Variants in AMOTL1 observed in about 807,000 individuals in gnomAD.
AMOTL1 encodes the protein angiomotin-like protein 1.
A neutral mutation model predicts 102.9 loss-of-function variants in AMOTL1; 45 were observed. The ratio of observed to expected loss-of-function variants is 0.44; its 90% CI spans 0.34 to 0.56. The LOEUF is 0.56. Among genes scored for constraint, AMOTL1 ranks in the 20% least tolerant of loss-of-function variants. AMOTL1 has a pLI of 0.01. For missense variants in AMOTL1, 1,114 were observed against 1,225.6 expected (o/e 0.91, Z 1.36); for synonymous variants, 481 against 484.7 (o/e 0.99, Z 0.10).
At chr11:94,816,943 C>T (rs1053138285) in intron 3 of AMOTL1, among the ~76,000 whole-genome samples, 1 of 152,096 alleles carries the variant, frequency 6.6e-6, no homozygotes, top group Non-Finnish European at 1.5e-5. Flanking sequence ...ATAAAGTAAC[C>T]ATTAATACCA....
intron 6 of AMOTL1, among the ~76,000 whole-genome samples, chr11:94,844,975 TC>T (rs556645697): frequency 6.6e-6 from 1 of 152,184 alleles, no homozygotes; most frequent in Non-Finnish European, 1.5e-5. Context: ...AGAAATTAAT[TC>T]CTATGTAGGA....
At chr11:94,859,457 G>T (rs118120437) in intron 8 of AMOTL1, 68 bp from the exon 9 acceptor site, 35 of 1,459,672 alleles carry the variant, frequency 2.4e-5, no homozygotes, top group Non-Finnish European at 3.0e-5. Flanking sequence ...CATGTGTTCT[G>T]TATGGGCAGT....
In AMOTL1 at chr11:94,772,576, A is replaced by G. The variant is rs1456988138; in HGVS notation, c.49+4016A>G. Among the ~76,000 whole-genome samples, 4 of 152,368 alleles carry G rather than the reference A, an allele frequency of 2.6e-5. No individual in the cohort carries two copies. In the East Asian group the frequency reaches 7.7e-4, roughly 29 times the overall value. On this transcript the variant is annotated intron_variant, in intron 1 of 12. Transcript: ENST00000433060. The stretch of plus-strand genomic sequence containing the variant: ...AGTTTGTTTCTTTTCATTGCTGAGT[A>G]GTATTCCATAATATGGATGTACTAT...
intron 3 of AMOTL1, among the ~76,000 whole-genome samples, chr11:94,760,561 T>C (rs908109034): frequency 6.6e-6 from 1 of 152,220 alleles, no homozygotes; most frequent in African/African-American, 2.4e-5. Flanking sequence ...GCCTCCTTTA[T>C]GTGGCCAAAC....
chr11:94,729,088 G>A (rs1451256606), intron 2 of AMOTL1: 2 of 1,268,494 alleles, frequency 1.6e-6, no homozygotes, highest in Non-Finnish European at 2.1e-6. Context: ...TGATAGCATG[G>A]TACTCTTCAG....
intron 3 of AMOTL1, among the ~76,000 whole-genome samples, chr11:94,759,584 A>AT (rs1257186456): frequency 6.6e-6 from 1 of 151,642 alleles, no homozygotes; most frequent in East Asian, 1.9e-4. Flanking sequence ...AAAAAAAAAA[A>AT]AAAAGGGCAA....
At chr11:94,803,368 C>T (rs944528723) in intron 3 of AMOTL1, among the ~76,000 whole-genome samples, 1 of 152,162 alleles carries the variant, frequency 6.6e-6, no homozygotes, top group Admixed American at 6.5e-5. Context: ...AGGCCTTGAC[C>T]TCGTTGACTT....
intron 4 of AMOTL1, among the ~76,000 whole-genome samples, chr11:94,826,943 G>C (rs1039780985): frequency 1.5e-4 from 23 of 152,110 alleles, no homozygotes; most frequent in Admixed American, 1.5e-3. Flanking sequence ...ATTGTTTTAG[G>C]ATTTGAGATA....
chr11:94,770,144 G>A (rs1011338440), intron 1 of AMOTL1, among the ~76,000 whole-genome samples: 11 of 152,158 alleles, frequency 7.2e-5, no homozygotes, highest in Non-Finnish European at 8.8e-5. Context: ...CTGGGCCCGG[G>A]CAGCTGTGGA....
At chr11:94,723,069 G>A (rs952399135) in intron 1 of AMOTL1, among the ~76,000 whole-genome samples, 2 of 152,128 alleles carry the variant, frequency 1.3e-5, no homozygotes, top group Non-Finnish European at 2.9e-5. Flanking sequence ...TGCTTTATGT[G>A]AGGAGTTTGC....
chr11:94,780,694 G>A (rs1951097299), intron 1 of AMOTL1, among the ~76,000 whole-genome samples: 1 of 152,140 alleles, frequency 6.6e-6, no homozygotes, highest in African/African-American at 2.4e-5. Context: ...TTGGAACACT[G>A]TTAATAGCCC....
Position 94,840,690 on chromosome 11 carries a change from A to G in AMOTL1, c.1648+9149A>G, listed in dbSNP as rs1952283581. Reference sequence around the variant, plus strand: ...TATATATATATATATATACACACACACACACACACACACACACATATATAT... The same window carrying G: ...TATATATATATATATATACACACACGCACACACACACACACACATATATAT... On this transcript the variant is annotated intron_variant, in intron 6 of 12. Transcript: ENST00000433060. Among the ~76,000 whole-genome samples, 3 of 144,888 alleles carry G rather than the reference A, an allele frequency of 2.1e-5. No individual in the cohort carries two copies. In the East Asian group the frequency reaches 5.9e-4, roughly 28 times the overall value.
chr11:94,838,486 C>G (rs2135680434), intron 6 of AMOTL1, among the ~76,000 whole-genome samples: 1 of 152,314 alleles, frequency 6.6e-6, no homozygotes, highest in Non-Finnish European at 1.5e-5. Flanking sequence ...AGCCCCAAAG[C>G]CACCATAGAT....
Position 94,876,217 on chromosome 11 carries a change from G to A in AMOTL1, c.*5422G>A, listed in dbSNP as rs182382587. 3 of 152,750 alleles carry A rather than the reference G, an allele frequency of 2.0e-5. No homozygotes were observed. Among genetic ancestry groups the A allele is most frequent in the Non-Finnish European group, 2.9e-5 (2 of 68,034 alleles). 9.5% of individuals were successfully genotyped at this position (152,750 alleles called of 1,614,324 possible). A position where few individuals can be genotyped will look rare whatever the true frequency, so the allele number is the denominator to read the frequency against. ...TCCACATTGGTTTTATTTGAATCAA[G>A]GTGTTTTTTTGTTTTTTGTTTTTTT... On this transcript the variant is annotated 3_prime_UTR_variant, in exon 13 of 13. Transcript: ENST00000433060.
intron 12 of AMOTL1, among the ~76,000 whole-genome samples, chr11:94,869,889 T>C (rs999994955): frequency 2.0e-5 from 3 of 152,098 alleles, no homozygotes; most frequent in Non-Finnish European, 4.4e-5. Flanking sequence ...GTGGAGGACA[T>C]TGTGATGGAA....
intron 3 of AMOTL1, 92 bp from the exon 4 acceptor site, chr11:94,821,438 G>A (rs1951863793): frequency 2.2e-6 from 3 of 1,348,636 alleles, no homozygotes; most frequent in African/African-American, 1.4e-5. Context: ...CTCTGACCAT[G>A]GAAGCCATCA....
At chr11:94,707,073 A>G (rs1949940316) in intron 1 of AMOTL1, among the ~76,000 whole-genome samples, 1 of 151,986 alleles carries the variant, frequency 6.6e-6, no homozygotes, top group South Asian at 2.1e-4. Flanking sequence ...GTGTAGCAGG[A>G]AAAAAAGGGG....
chr11:94,733,238 T>C (rs1591908032), intron 2 of AMOTL1, among the ~76,000 whole-genome samples: 1 of 152,360 alleles, frequency 6.6e-6, no homozygotes, highest in African/African-American at 2.4e-5. Context: ...TCTCCACCTT[T>C]CTGAGAAGTT....
intron 1 of AMOTL1, among the ~76,000 whole-genome samples, chr11:94,778,124 A>T (rs1353550984): frequency 1.3e-5 from 2 of 152,232 alleles, no homozygotes; most frequent in Non-Finnish European, 2.9e-5. Context: ...TTTTATTTTC[A>T]CTTTGAAATG....
Sources: allele counts gnomAD v4.1 joint callset (sites outside exome capture counted in the v4.1 genomes callset), GRCh38; gene constraint gnomAD v4.1.1; transcripts MANE v1.5; gene names NCBI Gene and HGNC (gene_info 2026-07-23, HGNC 2026-07-21).